Variants in LDB2 observed in about 807,000 individuals in gnomAD.
LDB2 encodes the protein LIM domain-binding protein 2.
A neutral mutation model predicts 44.3 loss-of-function variants in LDB2; 12 were observed. That is an observed-to-expected ratio of 0.27 (90% confidence interval 0.17 to 0.44). The LOEUF is 0.44. Ranked by LOEUF, LDB2 falls within the 20% of genes least tolerant of loss-of-function variation. The pLI, the probability that LDB2 is intolerant of heterozygous loss-of-function variation, is 1.00. For synonymous variants in LDB2, 164 were observed against 174.8 expected, an observed-to-expected ratio of 0.94 and a Z score of 0.49; for missense variants, 344 against 473.5, an observed-to-expected ratio of 0.73 and a Z score of 2.54.
At position 16,673,612 on chromosome 4, in the gene LDB2, A is replaced by G. The variant is rs112485702; in HGVS notation, c.236-77737T>C. The stretch of plus-strand genomic sequence containing the variant: ...TAAAGTTAGGAGAGCACCCTTCTCC[A>G]TGCTATTATAATAAGTGTCTTCTGG... On this transcript the variant is annotated intron_variant, in intron 2 of 7. Coordinates refer to ENST00000304523, the MANE Select transcript of LDB2 (RefSeq NM_001290.5). Among the ~76,000 whole-genome samples the G allele has an allele frequency of 3.6e-3, 547 of 152,318 alleles. 4 individuals carry two copies. Among genetic ancestry groups the G allele is most frequent in the African/African-American group, 0.012 (517 of 41,566 alleles).
At chr4:16,577,189 T>C (rs1353118963) in intron 5 of LDB2, among the ~76,000 whole-genome samples, 2 of 152,222 alleles carry the variant, frequency 1.3e-5, no homozygotes, top group Non-Finnish European at 2.9e-5. Context: ...ATGCCCACTA[T>C]TATCACTGTT....
chr4:16,758,687 A>G (rs1321270425), intron 2 of LDB2, among the ~76,000 whole-genome samples: 1 of 152,204 alleles, frequency 6.6e-6, no homozygotes, highest in Non-Finnish European at 1.5e-5. Flanking sequence ...TGGCCTCCCC[A>G]CACCCCAAAA....
chr4:16,525,366 G>T (rs759267901), intron 5 of LDB2, among the ~76,000 whole-genome samples: 1 of 152,200 alleles, frequency 6.6e-6, no homozygotes, highest in Non-Finnish European at 1.5e-5. Flanking sequence ...CTGCTCTGAC[G>T]CAAAGGAAAG....
At chr4:16,658,574 G>C (rs1740579024) in intron 2 of LDB2, among the ~76,000 whole-genome samples, 1 of 151,866 alleles carries the variant, frequency 6.6e-6, no homozygotes, top group Admixed American at 6.6e-5. Context: ...TGAAATTTTA[G>C]ATTTTTATTT....
chr4:16,701,008 G>A (rs1753315297), intron 2 of LDB2, among the ~76,000 whole-genome samples: 1 of 152,134 alleles, frequency 6.6e-6, no homozygotes, highest in Non-Finnish European at 1.5e-5. Flanking sequence ...TGTGAGAGAG[G>A]AACTTTACTT....
intron 2 of LDB2, among the ~76,000 whole-genome samples, chr4:16,683,560 A>G (rs1748470447): frequency 1.3e-5 from 2 of 152,216 alleles, no homozygotes; most frequent in Admixed American, 1.3e-4. Context: ...CAATTAACAA[A>G]GAACACAGGA....
At chr4:16,652,022 T>G (rs1477286989) in intron 2 of LDB2, among the ~76,000 whole-genome samples, 1 of 152,120 alleles carries the variant, frequency 6.6e-6, no homozygotes, top group Non-Finnish European at 1.5e-5. Context: ...ATGATCATAG[T>G]GCACTGTAAC....
At chr4:16,547,829 C>A (rs1052612319) in intron 5 of LDB2, among the ~76,000 whole-genome samples, 1 of 152,114 alleles carries the variant, frequency 6.6e-6, no homozygotes, top group Non-Finnish European at 1.5e-5. Flanking sequence ...GTAATACAGG[C>A]CAATAATAAT....
intron 1 of LDB2, among the ~76,000 whole-genome samples, chr4:16,844,485 C>A (rs1486901407): frequency 2.0e-5 from 3 of 152,070 alleles, no homozygotes; most frequent in Non-Finnish European, 4.4e-5. Flanking sequence ...TCTCTCATAT[C>A]CCTTTTTATG....
intron 5 of LDB2, among the ~76,000 whole-genome samples, chr4:16,537,925 G>T (rs2152317067): frequency 6.6e-6 from 1 of 152,284 alleles, no homozygotes; most frequent in African/African-American, 2.4e-5. Flanking sequence ...TACAGGAGTT[G>T]CCTCCCAGGG....
chr4:16,563,768 T>C lies in LDB2; in HGVS notation c.615+22154A>G, dbSNP rs147183655. Among the ~76,000 whole-genome samples, 327 of 152,034 alleles carry C rather than the reference T, an allele frequency of 2.2e-3. 1 individual carries two copies. Among genetic ancestry groups the C allele is most frequent in the Middle Eastern group, 0.01 (3 of 294 alleles). On this transcript the variant is annotated intron_variant, in intron 5 of 7. Coordinates refer to ENST00000304523, the MANE Select transcript of LDB2 (RefSeq NM_001290.5). ...CCACCGTGCCCAGTCTCATCAGATA[T>C]TCTAAACCAGCATAGCAGAAAGACT... is the stretch of plus-strand genomic sequence containing the variant.
At chr4:16,752,520 G>A (rs913951239) in intron 2 of LDB2, 3 of 409,436 alleles carry the variant, frequency 7.3e-6, no homozygotes, top group Admixed American at 6.2e-5. Context: ...TTCCCACTAT[G>A]TGCCAAATAA....
At chr4:16,545,273 G>C (rs1334511848) in intron 5 of LDB2, among the ~76,000 whole-genome samples, 1 of 151,770 alleles carries the variant, frequency 6.6e-6, no homozygotes, top group East Asian at 1.9e-4. Context: ...AGATCCTGCA[G>C]GATAGATATT....
rs565039741 is a variant in LDB2, at chr4:16,601,281, T to G, written c.236-5406A>C. On this transcript the variant is annotated intron_variant, in intron 2 of 7. Transcript: ENST00000304523. The stretch of plus-strand genomic sequence containing the variant: ...CCTTACCAAACTGCAATTCTCAAGT[T>G]TATGTTTAAGTGCTCTGAAGTTCTA... Among the ~76,000 whole-genome samples, 24 of 152,282 alleles carry G rather than the reference T, an allele frequency of 1.6e-4. 2 individuals are homozygous for G. The South Asian group carries it at 4.8e-3, about 30-fold the overall frequency.
rs182640471 is a variant in LDB2, at chr4:16,895,178, T to C, written c.132+3176A>G. On this transcript the variant is annotated intron_variant, in intron 1 of 7. Transcript: ENST00000304523. Reference sequence around the variant, plus strand: ...CAATTAAAGGGACACTGTTGGTAATTTGCAAATGAGGAACCAAGACCCATG... The same window carrying C: ...CAATTAAAGGGACACTGTTGGTAATCTGCAAATGAGGAACCAAGACCCATG... 7.9e-5 allele frequency among the ~76,000 whole-genome samples: 12 copies of C among 151,730 alleles called. No homozygotes were observed. In the East Asian group the frequency reaches 9.7e-4, roughly 12 times the overall value.
chr4:16,577,819 A>G (rs2152412214), intron 5 of LDB2, among the ~76,000 whole-genome samples: 2 of 152,226 alleles, frequency 1.3e-5, no homozygotes, highest in South Asian at 4.2e-4. Flanking sequence ...GACTTACACT[A>G]CAGAGATATA....
chr4:16,517,276 C>T (rs1313987410), intron 5 of LDB2, among the ~76,000 whole-genome samples: 1 of 152,098 alleles, frequency 6.6e-6, no homozygotes, highest in African/African-American at 2.4e-5. Context: ...TAGGAAGAGT[C>T]CCCTGTTTGT....
intron 1 of LDB2, among the ~76,000 whole-genome samples, chr4:16,890,367 G>T (rs1400295907): frequency 6.6e-6 from 1 of 152,214 alleles, no homozygotes; most frequent in African/African-American, 2.4e-5. Flanking sequence ...GGCACGGAGT[G>T]CTGTTAAGAG....
At chr4:16,885,165 A>G (rs1721291976) in intron 1 of LDB2, among the ~76,000 whole-genome samples, 1 of 150,470 alleles carries the variant, frequency 6.6e-6, no homozygotes, top group Non-Finnish European at 1.5e-5. Flanking sequence ...AAAAAAAAAA[A>G]AAAAAAAAAA....
Sources: gnomAD v4.1 joint callset for allele counts (sites outside exome capture counted in the v4.1 genomes callset) on GRCh38, gnomAD v4.1.1 for gene constraint, MANE v1.5 for transcripts, NCBI Gene and HGNC (gene_info 2026-07-23, HGNC 2026-07-21) for gene names.